Variants in CBX7 observed in about 807,000 individuals in gnomAD.
CBX7 encodes chromobox 7.
Under a neutral mutation model 31.4 loss-of-function variants are expected in CBX7, and 14 were observed. That is an observed-to-expected ratio of 0.45 (90% CI 0.29 to 0.70). CBX7 has a LOEUF of 0.70. Ranked by LOEUF, CBX7 falls within the 30% of genes least tolerant of loss-of-function variation. CBX7 has a pLI of 0.11. For missense variants in CBX7, 269 were observed against 351.9 expected (o/e 0.76, Z 1.89); for synonymous variants, 159 against 152.6 (o/e 1.04, Z -0.31).
chr22:39,141,171 A>T, intron 3 of CBX7, 200 bp downstream of exon 3: 1 of 538,760 alleles, frequency 1.9e-6, no homozygotes, highest in Non-Finnish European at 3.3e-6. Flanking sequence ...GAGATCACCC[A>T]ACAACAGGAA....
intron 1 of CBX7, among the ~76,000 whole-genome samples, chr22:39,151,986 T>C (rs1601569897): frequency 6.6e-6 from 1 of 152,136 alleles, no homozygotes; most frequent in South Asian, 2.1e-4. Flanking sequence ...TGAAAGGATT[T>C]GGTGCCAAGC....
chr22:39,134,652 C>A lies in CBX7; in HGVS notation c.347G>T (p.Gly116Val). ...CTCAGGTGCCCCCGCCTTGACCACC[C>A]CCTCAGGGCTCCCGCTGCCGAGTGG... Reference protein sequence around the residue: ...TCPLGSGSPEGVVKAGAPELV... With the variant: ...TCPLGSGSPEVVVKAGAPELV... The change falls in exon 5 of 6, where the codon GGG (glycine) becomes GTG (valine). Residue 116 changes from glycine to valine, a missense_variant. Transcript: ENST00000216133. 2 of 1,588,654 alleles carry A rather than the reference C, an allele frequency of 1.3e-6. No individual in the cohort carries two copies. Among genetic ancestry groups the A allele is most frequent in the African/African-American group, 1.3e-5 (1 of 74,554 alleles).
chr22:39,145,548 G>A (rs1930617878), intron 2 of CBX7, among the ~76,000 whole-genome samples: 1 of 152,052 alleles, frequency 6.6e-6, no homozygotes, highest in South Asian at 2.1e-4. Flanking sequence ...GGGCTGCGCG[G>A]ACCGCGGCGT....
chr22:39,144,926 T>C (rs916281388), intron 2 of CBX7, among the ~76,000 whole-genome samples: 1 of 152,032 alleles, frequency 6.6e-6, no homozygotes, highest in African/African-American at 2.4e-5. Context: ...GACACGGAGG[T>C]TGGGCAGCCA....
intron 2 of CBX7, among the ~76,000 whole-genome samples, chr22:39,145,103 GCA>G (rs1930596928): frequency 6.6e-6 from 1 of 152,200 alleles, no homozygotes; most frequent in South Asian, 2.1e-4. Flanking sequence ...AGGGCGCGGC[GCA>G]CAGTGAGCGC....
chr22:39,143,539 G>A (rs1164166395), intron 2 of CBX7, among the ~76,000 whole-genome samples: 1 of 152,200 alleles, frequency 6.6e-6, no homozygotes, highest in Non-Finnish European at 1.5e-5. Flanking sequence ...TGTTCAATGT[G>A]AAAAATATTT....
At chr22:39,139,921 C>G (rs1426471846) in intron 3 of CBX7, among the ~76,000 whole-genome samples, 1 of 151,748 alleles carries the variant, frequency 6.6e-6, no homozygotes, top group Non-Finnish European at 1.5e-5. Flanking sequence ...CAGGGTGAGA[C>G]CCTGTCTCAA....
chr22:39,138,776 G>A lies in CBX7; in HGVS notation c.180-74C>T, dbSNP rs138502207. The A allele has an allele frequency of 4.1e-4, 555 of 1,369,642 alleles. 3 individuals are homozygous for A. In the East Asian group the frequency reaches 6.6e-3, roughly 16 times the overall value. 84.8% of individuals were successfully genotyped at this position (1,369,642 alleles called of 1,614,324 possible). ...TAAGGGAAGGGAAGGCATCCGCTTCGCCCGCCCTCTGCTGTCTGTCAGGGA... is the reference window on the plus strand; with the variant it reads ...TAAGGGAAGGGAAGGCATCCGCTTCACCCGCCCTCTGCTGTCTGTCAGGGA... On this transcript the variant is annotated intron_variant, in intron 3 of 5. Transcript: ENST00000216133.
rs1192050140 is a variant in CBX7 at position 39,152,679 on chromosome 22, G to C, written c.-235C>G. On this transcript the variant is annotated 5_prime_UTR_variant, in exon 1 of 6. Transcript: ENST00000216133. This position sits in a 1 kb window ranked among gnomAD's most constrained non-coding sequence, Gnocchi z 4.9. ...CAGCGAGCGAGCGCGCGCAAGGAGG[G>C]GGCGGGGCGGGAGCGCGCGGAACGG... 6.7e-6 allele frequency: 1 copy of C among 149,190 alleles called. No homozygotes were observed. Among genetic ancestry groups the C allele is most frequent in the Admixed American group, 6.6e-5 (1 of 15,042 alleles). The allele number at this position is 149,190 out of a possible 1,614,324, so 9.2% of individuals were successfully genotyped here. A position where few individuals can be genotyped will look rare whatever the true frequency, so the allele number is the denominator to read the frequency against.
At chr22:39,151,016 G>A (rs139403) in intron 1 of CBX7, among the ~76,000 whole-genome samples, 68,190 of 151,938 alleles carry the variant, frequency 0.45, 15,838 homozygotes, top group African/African-American at 0.55. Flanking sequence ...GAGGGAAGGG[G>A]TGGATCCCTG....
Position 39,152,263 on chromosome 22 carries a change from C to A in CBX7, c.69+113G>T. 1 of 495,572 alleles carries A rather than the reference C, an allele frequency of 2.0e-6. No homozygotes were observed. Among genetic ancestry groups the A allele is most frequent in the Admixed American group, 5.2e-5 (1 of 19,296 alleles). The allele number at this position is 495,572 out of a possible 1,614,324, so 30.7% of individuals were successfully genotyped here. A position where few individuals can be genotyped will look rare whatever the true frequency, so the allele number is the denominator to read the frequency against. ...GGGAGACGGGCCCAGCAGCGCAGGG[C>A]TGCCGGGGCCCCCGCGCCCCGCTTT... On this transcript the variant is annotated intron_variant, in intron 1 of 5. Transcript: ENST00000216133. The surrounding 1 kb of genome is among the most constrained non-coding windows in gnomAD (Gnocchi z 4.9).
chr22:39,131,233 C>T lies in CBX7; in HGVS notation c.*2658G>A, dbSNP rs1930025418. On this transcript the variant is annotated 3_prime_UTR_variant, in exon 6 of 6. Transcript: ENST00000216133. ...AGGGGTGGGGGTACCTCCTCCGCAC[C>T]CCCCACCACAAAAGGAAAAGTGCCC... 1 of 152,568 alleles carries T rather than the reference C, an allele frequency of 6.6e-6. No individual in the cohort carries two copies. Among genetic ancestry groups the T allele is most frequent in the East Asian group, 1.9e-4 (1 of 5,202 alleles). The allele number at this position is 152,568 out of a possible 1,614,324, so 9.5% of individuals were successfully genotyped here.
intron 4 of CBX7, 144 bp downstream of exon 4, chr22:39,138,492 A>G (rs549345821): frequency 1.3e-5 from 10 of 766,982 alleles, no homozygotes; most frequent in African/African-American, 3.4e-5. Context: ...AAACTTACCC[A>G]AGTGCCCCAC....
At chr22:39,139,059 G>A (rs978347310) in intron 3 of CBX7, among the ~76,000 whole-genome samples, 4 of 152,206 alleles carry the variant, frequency 2.6e-5, no homozygotes, top group Middle Eastern at 3.4e-3. Context: ...CTAGGGGAGT[G>A]ATACAGAAGC....
At position 39,132,613 on chromosome 22, in the gene CBX7, G is replaced by GC. The variant is rs1479112454; in HGVS notation, c.*1277dup. On this transcript the variant is annotated 3_prime_UTR_variant, in exon 6 of 6. Transcript: ENST00000216133. Reference sequence around the variant, plus strand: ...CACAGCCTGACCTCAGAGAGGCACGGCAGAGGTCCCTCCACAGGAATACAG... The same window carrying GC: ...CACAGCCTGACCTCAGAGAGGCACGGCCAGAGGTCCCTCCACAGGAATACAG... The GC allele has an allele frequency of 6.5e-6, 1 of 152,678 alleles. No individual in the cohort carries two copies. The highest frequency in any genetic ancestry group is 6.5e-5 in the Admixed American group (1 of 15,288). The allele number at this position is 152,678 out of a possible 1,614,324, so 9.5% of individuals were successfully genotyped here. A position where few individuals can be genotyped will look rare whatever the true frequency, so the allele number is the denominator to read the frequency against.
intron 3 of CBX7, among the ~76,000 whole-genome samples, chr22:39,140,950 A>C (rs1344293132): frequency 6.6e-6 from 1 of 152,178 alleles, no homozygotes; most frequent in African/African-American, 2.4e-5. Flanking sequence ...GGTCCTCTAG[A>C]GACACCGTCT....
chr22:39,137,936 C>T lies in CBX7; in HGVS notation c.246+700G>A, dbSNP rs1930310402. Among the ~76,000 whole-genome samples, 10 of 152,166 alleles carry T rather than the reference C, an allele frequency of 6.6e-5. No individual in the cohort carries two copies. In the South Asian group the frequency reaches 2.1e-3, roughly 32 times the overall value. ...GTGGCTCACGCCTGTAATCCCAGCACTTTGGGAGGCCAAGCCGGGCGGATC... is the reference window on the plus strand; with the variant it reads ...GTGGCTCACGCCTGTAATCCCAGCATTTTGGGAGGCCAAGCCGGGCGGATC... On this transcript the variant is annotated intron_variant, in intron 4 of 5. Transcript: ENST00000216133.
In CBX7 at chr22:39,131,627, C is replaced by T. The variant is rs1930043351; in HGVS notation, c.*2264G>A. 6.6e-6 allele frequency: 1 copy of T among 152,172 alleles called. No homozygotes were observed. Among genetic ancestry groups the T allele is most frequent in the Non-Finnish European group, 1.5e-5 (1 of 68,076 alleles). The allele number at this position is 152,172 out of a possible 1,614,324, so 9.4% of individuals were successfully genotyped here. On this transcript the variant is annotated 3_prime_UTR_variant, in exon 6 of 6. Transcript: ENST00000216133. ...TCAGCTCTCCCTGAGCCACGGAGTT[C>T]CCCATGGGCCATAAAGGGCTGAGTA...
chr22:39,152,337 C>A lies in CBX7; in HGVS notation c.69+39G>T. On this transcript the variant is annotated intron_variant, in intron 1 of 5. Coordinates refer to ENST00000216133, the MANE Select transcript of CBX7 (RefSeq NM_175709.5). The surrounding 1 kb of genome is among the most constrained non-coding windows in gnomAD (Gnocchi z 4.9). ...GAGCGGTGCTGGGGACGGGAGGGAC[C>A]CCACTGGGGTCCTGGGAGCCGCCCC... The A allele has an allele frequency of 7.6e-7, 1 of 1,319,872 alleles. No homozygotes were observed. The allele number at this position is 1,319,872 out of a possible 1,614,324, so 81.8% of individuals were successfully genotyped here.
Sources: gnomAD v4.1 joint callset for allele counts (sites outside exome capture counted in the v4.1 genomes callset) on GRCh38, gnomAD v4.1.1 for gene constraint, Gnocchi (gnomAD v3.1) non-coding constraint, MANE v1.5 for transcripts, NCBI Gene and HGNC (gene_info 2026-07-23, HGNC 2026-07-21) for gene names.